The following TACC2 variants were observed in gnomAD, a reference collection of about 807,000 sequenced individuals.
TACC2 encodes transforming acidic coiled-coil containing protein 2.
A neutral mutation model predicts 227.3 loss-of-function variants in TACC2; 137 were observed. That is an observed-to-expected ratio of 0.60 (90% CI 0.52 to 0.69). The LOEUF (loss-of-function observed/expected upper bound fraction) is 0.69. Among genes scored for constraint, TACC2 ranks in the 30% least tolerant of loss-of-function variants. The pLI is 0.00. For synonymous variants in TACC2, 1,523 were observed against 1,487.5 expected (o/e 1.02, Z -0.55); for missense variants, 3,470 against 3,694.4 (o/e 0.94, Z 1.57).
intron 3 of TACC2, among the ~76,000 whole-genome samples, chr10:122,078,299 T>G (rs1398211239): frequency 6.6e-6 from 1 of 152,070 alleles, no homozygotes; most frequent in East Asian, 1.9e-4. Flanking sequence ...GCTTTATGGT[T>G]TTGCCGACTC....
intron 5 of TACC2, among the ~76,000 whole-genome samples, chr10:122,121,048 C>T (rs2085679259): frequency 6.6e-6 from 1 of 152,184 alleles, no homozygotes; most frequent in African/African-American, 2.4e-5. Flanking sequence ...GCGTGAACCA[C>T]CACACCTGGC....
intron 5 of TACC2, 35 bp from the exon 6 acceptor site, chr10:122,132,574 T>C: frequency 6.2e-7 from 1 of 1,612,698 alleles, no homozygotes. Flanking sequence ...TAGGAATGTT[T>C]CTGAGTTTAG....
intron 2 of TACC2, among the ~76,000 whole-genome samples, chr10:122,041,714 TAGGATTACAG>T (rs1329700691): frequency 2.6e-5 from 4 of 152,184 alleles, no homozygotes; most frequent in Non-Finnish European, 4.4e-5. Flanking sequence ...CCCAAAGTGC[TAGGATTACAG>T]GTGTAGCCAC....
intron 2 of TACC2, among the ~76,000 whole-genome samples, chr10:122,031,909 TG>T (rs1959032863): frequency 6.6e-6 from 1 of 151,718 alleles, no homozygotes; most frequent in African/African-American, 2.4e-5. Context: ...GGTCTCACTA[TG>T]TTGGCCAAGC....
Position 122,085,076 on chromosome 10 carries a change from C to T in TACC2, c.2576C>T (p.Ser859Phe). 6.2e-7 allele frequency: 1 copy of T among 1,614,202 alleles called. No homozygotes were observed. Among genetic ancestry groups the T allele is most frequent in the Non-Finnish European group, 8.5e-7 (1 of 1,180,050 alleles). ...CCACCTGAAAATGGGAAAGAGACTT[C>T]TCCAAGCCATCCAGGTTTTAAGGAC... The part of the protein sequence containing the change: ...AQPPENGKET[S>F]PSHPGFKDQG... The change falls in exon 4 of 23, where the codon TCT becomes TTT. Residue 859 changes from serine to phenylalanine, a missense_variant. Transcript: ENST00000369005.
rs573773445 is a variant in TACC2 at position 122,135,767 on chromosome 10, C to G, written c.5699+3033C>G. Among the ~76,000 whole-genome samples, 14 of 152,358 alleles carry G rather than the reference C, an allele frequency of 9.2e-5. No homozygotes were observed. The East Asian group carries it at 9.6e-4, about 10-fold the overall frequency. ...CAGTCATTTGCAGACATGTGCAGAG[C>G]TGCCCAGCACACACGTTCTCAGCTA... On this transcript the variant is annotated intron_variant, in intron 6 of 22. Transcript: ENST00000369005.
chr10:122,016,933 T>G (rs946181221), intron 1 of TACC2, among the ~76,000 whole-genome samples: 1 of 152,086 alleles, frequency 6.6e-6, no homozygotes, highest in African/African-American at 2.4e-5. Context: ...GAAGAAGAGA[T>G]TAGGACATAG....
At chr10:122,142,553 T>C (rs116247023) in intron 6 of TACC2, among the ~76,000 whole-genome samples, 4,192 of 151,938 alleles carry the variant, frequency 0.028, 193 homozygotes, top group African/African-American at 0.097. Flanking sequence ...AGAGATGGAG[T>C]GAGCAGACAT....
intron 7 of TACC2, among the ~76,000 whole-genome samples, chr10:122,191,838 T>C (rs2094421890): frequency 6.6e-6 from 1 of 152,240 alleles, no homozygotes; most frequent in African/African-American, 2.4e-5. Context: ...TTAAAATGTG[T>C]GGAGCCTTAA....
Position 122,085,710 on chromosome 10 carries a change from C to G in TACC2, c.3210C>G (p.Val1070=). Residue 1070 remains valine, a synonymous_variant, in exon 4 of 23, where the codon GTC becomes GTG. Coordinates refer to ENST00000369005, the MANE Select transcript of TACC2 (RefSeq NM_206862.4). ...LPALAPASPG[V]TPTQDAPETE... Reference sequence around the variant, plus strand: ...CCCTGGCGCCCGCCAGCCCCGGAGTCACACCCACCCAGGATGCCCCAGAGA... The same window carrying G: ...CCCTGGCGCCCGCCAGCCCCGGAGTGACACCCACCCAGGATGCCCCAGAGA... 6.2e-7 allele frequency: 1 copy of G among 1,613,822 alleles called. No homozygotes were observed. Among genetic ancestry groups the G allele is most frequent in the Non-Finnish European group, 8.5e-7 (1 of 1,180,014 alleles).
chr10:122,129,584 G>A (rs968852009), intron 5 of TACC2, among the ~76,000 whole-genome samples: 1 of 152,164 alleles, frequency 6.6e-6, no homozygotes, highest in Non-Finnish European at 1.5e-5. Context: ...GGTTTTCAAT[G>A]TGTGTTGCCA....
At chr10:122,033,380 A>G (rs1959189571) in intron 2 of TACC2, among the ~76,000 whole-genome samples, 1 of 152,166 alleles carries the variant, frequency 6.6e-6, no homozygotes, top group South Asian at 2.1e-4. Context: ...CTGTCCAAGA[A>G]CTGGCTTGGT....
At chr10:122,108,567 T>A (rs1263141856) in intron 5 of TACC2, among the ~76,000 whole-genome samples, 2 of 146,582 alleles carry the variant, frequency 1.4e-5, no homozygotes, top group Non-Finnish European at 3.0e-5. Flanking sequence ...TACCTCAGCC[T>A]CCTGAGTAGC....
rs532343571 is a variant in TACC2 at position 122,190,445 on chromosome 10, C to T, written c.5835-4595C>T. The stretch of plus-strand genomic sequence containing the variant: ...AGTACTTGAAAAAACGTTTTTAAGC[C>T]GAACTAGTACACAGTCGAGGAGCTC... On this transcript the variant is annotated intron_variant, in intron 7 of 22. Transcript: ENST00000369005. 1.4e-4 allele frequency among the ~76,000 whole-genome samples: 22 copies of T among 152,212 alleles called. No individual in the cohort carries two copies. In the South Asian group the frequency reaches 3.7e-3, roughly 26 times the overall value.
chr10:122,254,379 G>A lies in TACC2; in HGVS notation c.*323G>A. ...TGTACACAAGTTCCCAGGGTGAGCA[G>A]CTTTTGGATTTAATATGAACATGTA... is the stretch of plus-strand genomic sequence containing the variant. On this transcript the variant is annotated 3_prime_UTR_variant, in exon 23 of 23. Transcript: ENST00000369005. 2.6e-6 allele frequency: 1 copy of A among 379,358 alleles called. No individual in the cohort carries two copies. Among genetic ancestry groups the A allele is most frequent in the East Asian group, 6.2e-5 (1 of 16,148 alleles). The allele number at this position is 379,358 out of a possible 1,614,324, so 23.5% of individuals were successfully genotyped here.
intron 8 of TACC2, among the ~76,000 whole-genome samples, chr10:122,202,719 C>T (rs2140855062): frequency 6.9e-6 from 1 of 144,836 alleles, no homozygotes; most frequent in East Asian, 2.1e-4. Flanking sequence ...GGGGATTTGG[C>T]AGGGTCACAG....
At chr10:122,125,516 A>G (rs10887087) in intron 5 of TACC2, among the ~76,000 whole-genome samples, 92,785 of 152,000 alleles carry the variant, frequency 0.61, 32,721 homozygotes, top group Non-Finnish European at 0.77. Flanking sequence ...CTTTATGAGT[A>G]CAGCTCCTTC....
In TACC2 at chr10:122,037,209, G is replaced by A. The variant is rs1011114945; in HGVS notation, c.34-13229G>A. Among the ~76,000 whole-genome samples the A allele has an allele frequency of 3.3e-5, 5 of 152,236 alleles. No homozygotes were observed. In the East Asian group the frequency reaches 7.7e-4, roughly 23 times the overall value. On this transcript the variant is annotated intron_variant, in intron 2 of 22. Transcript: ENST00000369005. ...TACTTTAAGATCAGCAAAGAAGGCCGGTGTGGCTGGAGAAAAGTGGGTGAG... is the reference window on the plus strand; with the variant it reads ...TACTTTAAGATCAGCAAAGAAGGCCAGTGTGGCTGGAGAAAAGTGGGTGAG...
chr10:122,159,593 A>G (rs549143041), intron 7 of TACC2, among the ~76,000 whole-genome samples: 1 of 152,266 alleles, frequency 6.6e-6, no homozygotes, highest in South Asian at 2.1e-4. Context: ...TGGAGTAACA[A>G]GATAACACTC....
Sources: allele counts gnomAD v4.1 joint callset (sites outside exome capture counted in the v4.1 genomes callset), GRCh38; gene constraint gnomAD v4.1.1; transcripts MANE v1.5; gene names NCBI Gene and HGNC (gene_info 2026-07-23, HGNC 2026-07-21).